The following AK4 variants were observed in gnomAD, a reference collection of about 807,000 sequenced individuals.
The protein encoded by AK4 is adenylate kinase 4, mitochondrial.
AK4 carries 13 observed loss-of-function variants against 24.6 expected under a neutral mutation model. The ratio of observed to expected loss-of-function variants is 0.53; its 90% confidence interval spans 0.34 to 0.84. The LOEUF is 0.84. Ranked by LOEUF, AK4 falls within the 40% of genes least tolerant of loss-of-function variation. AK4 has a pLI of 0.01. For missense variants in AK4, 192 were observed against 288.2 expected (o/e 0.67, Z 2.42); for synonymous variants, 88 against 107.0 (o/e 0.82, Z 1.10).
chr1:65,212,108 G>A (rs1651989254), intron 2 of AK4, among the ~76,000 whole-genome samples: 1 of 152,186 alleles, frequency 6.6e-6, no homozygotes, highest in African/African-American at 2.4e-5. Flanking sequence ...AATGAGGTGA[G>A]AGAGGTGGCA....
At chr1:65,178,396 G>A (rs986033550) in intron 1 of AK4, among the ~76,000 whole-genome samples, 1 of 152,142 alleles carries the variant, frequency 6.6e-6, no homozygotes, top group Non-Finnish European at 1.5e-5. Context: ...TCCGGCACAC[G>A]GCTGAGTCTG....
At chr1:65,199,314 C>T (rs1272682441) in intron 2 of AK4, among the ~76,000 whole-genome samples, 2 of 152,022 alleles carry the variant, frequency 1.3e-5, no homozygotes, top group East Asian at 3.9e-4. Flanking sequence ...CTTTGGGAGG[C>T]CGAGGTGGGC....
At chr1:65,187,347 C>CA (rs150840960) in intron 1 of AK4, among the ~76,000 whole-genome samples, 19,697 of 66,262 alleles carry the variant, frequency 0.3, 3,170 homozygotes, top group East Asian at 0.57. Flanking sequence ...GACTCCGTCT[C>CA]AAAAAAAAAA....
At chr1:65,157,239 G>T (rs1650013948) in intron 1 of AK4, among the ~76,000 whole-genome samples, 1 of 152,184 alleles carries the variant, frequency 6.6e-6, no homozygotes, top group South Asian at 2.1e-4. Context: ...AAGGTCTCAT[G>T]GACTCACAGG....
intron 1 of AK4, among the ~76,000 whole-genome samples, chr1:65,176,806 C>T (rs748040855): frequency 7.9e-5 from 12 of 152,170 alleles, no homozygotes; most frequent in Non-Finnish European, 1.8e-4. Context: ...AGAGCTGGGA[C>T]TCCTGATTCC....
At chr1:65,208,712 G>A (rs1027018640) in intron 2 of AK4, among the ~76,000 whole-genome samples, 1 of 152,176 alleles carries the variant, frequency 6.6e-6, no homozygotes, top group African/African-American at 2.4e-5. Flanking sequence ...TCAGGCGGAG[G>A]GCTTGCTTTG....
chr1:65,224,868 C>G lies in AK4; in HGVS notation c.555C>G (p.Tyr185Ter). The change falls in exon 4 of 5, where the codon TAC (tyrosine) becomes TAG (stop). Residue 185 changes from tyrosine to a stop codon, truncating the protein, a stop_gained and splice_region_variant. Coordinates refer to ENST00000327299, the MANE Select transcript of AK4 (RefSeq NM_013410.4). LOFTEE classifies it high-confidence loss of function. Reference sequence around the variant, plus strand: ...TGGCAAAGCCAGTCATTGAATTATACAAGTGAGTGTGCTTCAATATTTTCA... The same window carrying G: ...TGGCAAAGCCAGTCATTGAATTATAGAAGTGAGTGTGCTTCAATATTTTCA... ...KDVAKPVIEL[Y>*]KSRGVLHQFS... 1 of 1,609,376 alleles carries G rather than the reference C, an allele frequency of 6.2e-7. No individual in the cohort carries two copies. The highest frequency in any genetic ancestry group is 8.5e-7 in the Non-Finnish European group (1 of 1,175,894).
intron 1 of AK4, among the ~76,000 whole-genome samples, chr1:65,152,200 A>G (rs1649792858): frequency 6.6e-6 from 1 of 151,468 alleles, no homozygotes; most frequent in South Asian, 2.1e-4. Context: ...TTAAAACCAC[A>G]TTATACTGGA....
chr1:65,187,596 C>T (rs987652004), intron 1 of AK4, among the ~76,000 whole-genome samples: 7 of 152,084 alleles, frequency 4.6e-5, no homozygotes, highest in African/African-American at 1.7e-4. Context: ...TGAATTATCA[C>T]AATAAAGCTG....
intron 1 of AK4, among the ~76,000 whole-genome samples, chr1:65,168,012 A>G (rs904337756): frequency 6.6e-6 from 1 of 152,108 alleles, no homozygotes; most frequent in African/African-American, 2.4e-5. Flanking sequence ...AGTTCTCTCT[A>G]CCATTCTTCC....
At chr1:65,208,628 C>T (rs1223378868) in intron 2 of AK4, among the ~76,000 whole-genome samples, 5 of 152,196 alleles carry the variant, frequency 3.3e-5, no homozygotes, top group Non-Finnish European at 7.3e-5. Context: ...GCTGATGTCG[C>T]ATAGCCTTTT....
At chr1:65,218,690 T>G in intron 2 of AK4, 64 bp from the exon 3 acceptor site, 1 of 1,458,036 alleles carries the variant, frequency 6.9e-7, no homozygotes, top group Non-Finnish European at 9.1e-7. Context: ...ACTGAAAATG[T>G]TTCAAGAACT....
intron 2 of AK4, among the ~76,000 whole-genome samples, chr1:65,192,253 CA>C (rs1651329731): frequency 6.6e-6 from 1 of 152,208 alleles, no homozygotes; most frequent in African/African-American, 2.4e-5. Flanking sequence ...CTTGCTGCAT[CA>C]TCCCATGGCA....
At chr1:65,195,334 A>G (rs1651432573) in intron 2 of AK4, among the ~76,000 whole-genome samples, 1 of 151,306 alleles carries the variant, frequency 6.6e-6, no homozygotes, top group Non-Finnish European at 1.5e-5. Context: ...TGAGTTTTGG[A>G]GAGAACATTC....
intron 2 of AK4, among the ~76,000 whole-genome samples, chr1:65,197,903 C>T (rs1039933054): frequency 2.2e-4 from 33 of 152,318 alleles, no homozygotes; most frequent in African/African-American, 7.9e-4. Context: ...TTCTGAATCA[C>T]ATCTTTTAGG....
At chr1:65,155,686 C>G (rs1336859374) in intron 1 of AK4, among the ~76,000 whole-genome samples, 1 of 149,744 alleles carries the variant, frequency 6.7e-6, no homozygotes. Flanking sequence ...TAGATGGAGT[C>G]TAGCCTTGCT....
At chr1:65,170,383 C>A (rs1160529822) in intron 1 of AK4, among the ~76,000 whole-genome samples, 18 of 147,838 alleles carry the variant, frequency 1.2e-4, no homozygotes, top group African/African-American at 4.5e-4. Flanking sequence ...CACACACACA[C>A]ACACAAAAAA....
In AK4 at chr1:65,162,359, T is replaced by TG. The variant is rs1431542998; in HGVS notation, c.145+13811dup. On this transcript the variant is annotated intron_variant, in intron 1 of 4. Transcript: ENST00000327299. ...AGGCTTGTATCTTGAGCACTGTAAGTGGGGAGGAGATGGTAGAAGCGGAGG... is the reference window on the plus strand; with the variant it reads ...AGGCTTGTATCTTGAGCACTGTAAGTGGGGGAGGAGATGGTAGAAGCGGAGG... Among the ~76,000 whole-genome samples the TG allele has an allele frequency of 2.0e-5, 3 of 151,994 alleles. No homozygotes were observed. In the East Asian group the frequency reaches 5.8e-4, roughly 29 times the overall value.
intron 1 of AK4, among the ~76,000 whole-genome samples, chr1:65,170,112 C>T (rs113955533): frequency 6.6e-6 from 1 of 152,116 alleles, no homozygotes; most frequent in Non-Finnish European, 1.5e-5. Flanking sequence ...CGTGGTGGCT[C>T]ACGCCTGTAA....
Sources: allele counts gnomAD v4.1 joint callset (sites outside exome capture counted in the v4.1 genomes callset), GRCh38; gene constraint gnomAD v4.1.1; transcripts MANE v1.5; gene names NCBI Gene and HGNC (gene_info 2026-07-23, HGNC 2026-07-21).